Variants in UGGT2 observed in about 807,000 individuals in gnomAD.
UGGT2 encodes the protein UDP-glucose:glycoprotein glucosyltransferase 2.
Under a neutral mutation model 192.1 loss-of-function variants are expected in UGGT2, and 180 were observed. The ratio of observed to expected loss-of-function variants is 0.94; its 90% CI spans 0.83 to 1.06. The LOEUF (loss-of-function observed/expected upper bound fraction) is 1.06, where lower values mean the gene tolerates loss of function less well. Among genes scored for constraint, UGGT2 ranks in the 50% least tolerant of loss-of-function variants. The probability of loss-of-function intolerance (pLI) is 0.00; values close to 1 mark genes in which losing one functional copy is unlikely to be tolerated. For synonymous variants in UGGT2, 580 were observed against 591.0 expected (o/e 0.98, Z 0.27); for missense variants, 1,849 against 1,795.7 (o/e 1.03, Z -0.54).
intron 20 of UGGT2, among the ~76,000 whole-genome samples, chr13:95,907,234 G>T (rs558530936): frequency 1.3e-5 from 2 of 152,350 alleles, no homozygotes; most frequent in African/African-American, 4.8e-5. Flanking sequence ...TGAGGCTTGA[G>T]TACGTAAACA....
chr13:95,968,610 CAT>C (rs1358559456), intron 12 of UGGT2, among the ~76,000 whole-genome samples: 2 of 152,078 alleles, frequency 1.3e-5, no homozygotes, highest in Non-Finnish European at 2.9e-5. Flanking sequence ...CTGTTCTTGC[CAT>C]ATGAGATACC....
At chr13:95,947,360 G>A (rs1383756543) in intron 14 of UGGT2, among the ~76,000 whole-genome samples, 188 bp from the exon 15 acceptor site, 1 of 151,970 alleles carries the variant, frequency 6.6e-6, no homozygotes, top group Non-Finnish European at 1.5e-5. Flanking sequence ...CATAGCTACT[G>A]GATTCCTATA....
intron 11 of UGGT2, among the ~76,000 whole-genome samples, chr13:95,971,546 T>C (rs2140787634): frequency 6.6e-6 from 1 of 152,288 alleles, no homozygotes; most frequent in Middle Eastern, 3.4e-3. Flanking sequence ...AAAATATTCC[T>C]GCCATAAAAA....
intron 36 of UGGT2, among the ~76,000 whole-genome samples, chr13:95,848,703 T>C (rs989003142): frequency 3.9e-5 from 6 of 152,242 alleles, no homozygotes; most frequent in Admixed American, 6.5e-5. Flanking sequence ...ATAAGTCTGG[T>C]ATTGCTAGTC....
chr13:96,045,742 C>A (rs1297929650), intron 1 of UGGT2, among the ~76,000 whole-genome samples: 3 of 151,844 alleles, frequency 2.0e-5, no homozygotes, highest in Non-Finnish European at 4.4e-5. Context: ...TACAACAGCT[C>A]CAACAAAAAT....
intron 20 of UGGT2, among the ~76,000 whole-genome samples, chr13:95,906,485 C>T (rs2048294953): frequency 6.6e-6 from 1 of 151,988 alleles, no homozygotes; most frequent in Admixed American, 6.6e-5. Flanking sequence ...CGTGGGACAC[C>T]ATTAAGCATG....
chr13:96,006,028 G>A (rs756126794), intron 5 of UGGT2, among the ~76,000 whole-genome samples: 4 of 152,092 alleles, frequency 2.6e-5, no homozygotes, highest in Non-Finnish European at 4.4e-5. Context: ...TAATAACAAC[G>A]AAAATCACAA....
At chr13:95,873,820 T>C (rs1156298065) in intron 29 of UGGT2, among the ~76,000 whole-genome samples, 2 of 152,190 alleles carry the variant, frequency 1.3e-5, no homozygotes, top group African/African-American at 2.4e-5. Flanking sequence ...GTCACCGCGA[T>C]GATCAGGCAA....
At chr13:95,946,526 AC>A (rs2049876087) in intron 15 of UGGT2, among the ~76,000 whole-genome samples, 1 of 151,278 alleles carries the variant, frequency 6.6e-6, no homozygotes, top group Non-Finnish European at 1.5e-5. Context: ...GTGCCGCTGC[AC>A]CTGGAATTTT....
In UGGT2 at chr13:95,940,103, T is replaced by G; in HGVS notation, c.1678-12A>C. The G allele has an allele frequency of 7.0e-7, 1 of 1,428,034 alleles. No homozygotes were observed. The highest frequency in any genetic ancestry group is 1.4e-5 in the South Asian group (1 of 70,738). The allele number at this position is 1,428,034 out of a possible 1,614,324, so 88.5% of individuals were successfully genotyped here. On this transcript the variant is annotated splice_polypyrimidine_tract_variant and intron_variant, in intron 15 of 38. Transcript: ENST00000376747. The stretch of plus-strand genomic sequence containing the variant: ...ACTTTTTGGTACATCTGTGAAAATT[T>G]AGATATTATAATTAATTTTCTTCTT...
Position 95,867,433 on chromosome 13 carries a change from GA to G in UGGT2, c.3474-11del. 1.3e-6 allele frequency: 2 copies of G among 1,593,600 alleles called. No individual in the cohort carries two copies. Among genetic ancestry groups the G allele is most frequent in the African/African-American group, 1.4e-5 (1 of 74,070 alleles). ...GTCAGTTCCTTCATGCCTAAAAGTAGAAAAATGTGTCCATAATTAATTTAAG... is the reference window on the plus strand; with the variant it reads ...GTCAGTTCCTTCATGCCTAAAAGTAGAAAATGTGTCCATAATTAATTTAAG... On this transcript the variant is annotated splice_polypyrimidine_tract_variant and intron_variant, in intron 29 of 38. Transcript: ENST00000376747.
intron 1 of UGGT2, among the ~76,000 whole-genome samples, chr13:96,037,427 G>A (rs2053037627): frequency 6.6e-6 from 1 of 152,190 alleles, no homozygotes; most frequent in Admixed American, 6.5e-5. Flanking sequence ...TCAAATTCCT[G>A]ACCTCATGAT....
At chr13:95,911,882 T>C (rs556312777) in intron 20 of UGGT2, among the ~76,000 whole-genome samples, 1 of 152,294 alleles carries the variant, frequency 6.6e-6, no homozygotes, top group East Asian at 1.9e-4. Flanking sequence ...AAAAAGCTTA[T>C]CCACCATGAT....
chr13:95,937,213 A>G, intron 16 of UGGT2, 125 bp from the exon 17 acceptor site: 3 of 1,138,352 alleles, frequency 2.6e-6, no homozygotes, highest in Admixed American at 3.1e-5. Flanking sequence ...TGCTAACTTT[A>G]TCTGTCCTTT....
rs777233322 is a variant in UGGT2 at position 95,887,857 on chromosome 13, T to G, written c.3038+35A>C. ...TTTTTTTCTTCTCAGCATTTACAAATTTTTCAAAATGAAATTTTGTTCACT... is the reference window on the plus strand; with the variant it reads ...TTTTTTTCTTCTCAGCATTTACAAAGTTTTCAAAATGAAATTTTGTTCACT... On this transcript the variant is annotated intron_variant, in intron 26 of 38. Coordinates refer to ENST00000376747, the MANE Select transcript of UGGT2 (RefSeq NM_020121.4). The G allele has an allele frequency of 3.0e-6, 4 of 1,349,476 alleles. No homozygotes were observed. In the South Asian group the frequency reaches 5.2e-5, roughly 18 times the overall value. The allele number at this position is 1,349,476 out of a possible 1,614,324, so 83.6% of individuals were successfully genotyped here.
intron 17 of UGGT2, among the ~76,000 whole-genome samples, chr13:95,932,814 T>C (rs867084900): frequency 6.6e-6 from 1 of 152,234 alleles, no homozygotes; most frequent in African/African-American, 2.4e-5. Context: ...TTTGATTTTA[T>C]TGAATAATTT....
At chr13:95,822,998 T>C (rs1885659055) in intron 38 of UGGT2, among the ~76,000 whole-genome samples, 1 of 152,118 alleles carries the variant, frequency 6.6e-6, no homozygotes, top group South Asian at 2.1e-4. Context: ...ACTATTACCA[T>C]TCATTTCAAA....
chr13:95,974,761 TA>T (rs1417263126), intron 10 of UGGT2, among the ~76,000 whole-genome samples: 4 of 152,174 alleles, frequency 2.6e-5, no homozygotes, highest in African/African-American at 7.2e-5. Flanking sequence ...ATTTTCTTAC[TA>T]AAAGTATCAA....
intron 24 of UGGT2, among the ~76,000 whole-genome samples, chr13:95,893,006 T>A (rs772634548): frequency 4.6e-5 from 7 of 152,144 alleles, no homozygotes; most frequent in Non-Finnish European, 8.8e-5. Context: ...TAGAAGAATG[T>A]CAAATCCACA....
Sources: gnomAD v4.1 joint callset for allele counts (sites outside exome capture counted in the v4.1 genomes callset) on GRCh38, gnomAD v4.1.1 for gene constraint, MANE v1.5 for transcripts, NCBI Gene and HGNC (gene_info 2026-07-23, HGNC 2026-07-21) for gene names.